The following SYT13 variants were observed in gnomAD, a reference collection of about 807,000 sequenced individuals.
SYT13 encodes the protein synaptotagmin 13.
Under a neutral mutation model 38.6 loss-of-function variants are expected in SYT13, and 21 were observed. The ratio of observed to expected loss-of-function variants is 0.54; its 90% CI spans 0.39 to 0.78. The LOEUF is 0.78. Among genes scored for constraint, SYT13 ranks in the 30% least tolerant of loss-of-function variants. The pLI is 0.00. For missense variants in SYT13, 495 were observed against 548.7 expected (o/e 0.90, Z 0.98); for synonymous variants, 241 against 237.6 (o/e 1.01, Z -0.13).
At chr11:45,274,113 C>T (rs1854982252) in intron 1 of SYT13, among the ~76,000 whole-genome samples, 4 of 152,062 alleles carry the variant, frequency 2.6e-5, no homozygotes. Context: ...CATTTGATTC[C>T]CATTTTAGCT....
At chr11:45,245,401 G>A (rs1854601931) in intron 5 of SYT13, among the ~76,000 whole-genome samples, 1 of 152,234 alleles carries the variant, frequency 6.6e-6, no homozygotes, top group Non-Finnish European at 1.5e-5. Context: ...TGTCCTGACA[G>A]GAGCTATAAA....
At chr11:45,254,193 G>A in intron 3 of SYT13, 77 bp downstream of exon 3, 1 of 1,472,578 alleles carries the variant, frequency 6.8e-7, no homozygotes, top group Non-Finnish European at 9.1e-7. Flanking sequence ...AGCTGCAGAT[G>A]ATCCCATCCT....
chr11:45,282,399 G>A (rs2135913159), intron 1 of SYT13, among the ~76,000 whole-genome samples: 1 of 152,338 alleles, frequency 6.6e-6, no homozygotes, highest in Middle Eastern at 3.4e-3. Flanking sequence ...CTGGAAGCAT[G>A]AGAGGTAATG....
chr11:45,278,831 T>G (rs1396805193), intron 1 of SYT13, among the ~76,000 whole-genome samples: 1 of 152,176 alleles, frequency 6.6e-6, no homozygotes, highest in East Asian at 1.9e-4. Flanking sequence ...CCAGCGGGTA[T>G]GTGCTCATCT....
At chr11:45,277,831 G>A (rs936535931) in intron 1 of SYT13, among the ~76,000 whole-genome samples, 14 of 152,186 alleles carry the variant, frequency 9.2e-5, no homozygotes, top group African/African-American at 3.4e-4. Context: ...AGAACCTTCT[G>A]TTCAGGTTAC....
intron 1 of SYT13, among the ~76,000 whole-genome samples, chr11:45,265,890 A>G (rs925693653): frequency 1.1e-4 from 16 of 152,220 alleles, no homozygotes; most frequent in African/African-American, 3.9e-4. Context: ...GGTGGAACTC[A>G]TCAGTGGTAA....
At chr11:45,248,186 A>G (rs1565375751) in intron 4 of SYT13, among the ~76,000 whole-genome samples, 1 of 152,314 alleles carries the variant, frequency 6.6e-6, no homozygotes, top group East Asian at 1.9e-4. Flanking sequence ...GGGAGCCTCA[A>G]AGGATCTTGG....
intron 1 of SYT13, among the ~76,000 whole-genome samples, chr11:45,261,989 G>A (rs903941016): frequency 2.0e-5 from 3 of 151,602 alleles, no homozygotes; most frequent in African/African-American, 4.9e-5. Flanking sequence ...CAAAATATTC[G>A]AAAGCAGGGT....
At chr11:45,265,106 G>A (rs191788912) in intron 1 of SYT13, among the ~76,000 whole-genome samples, 123 of 152,302 alleles carry the variant, frequency 8.1e-4, no homozygotes, top group Middle Eastern at 3.4e-3. Flanking sequence ...CCACCAACAG[G>A]ACAATGGAGA....
intron 4 of SYT13, among the ~76,000 whole-genome samples, chr11:45,250,770 G>T (rs1275106014): frequency 6.6e-6 from 1 of 152,282 alleles, no homozygotes; most frequent in South Asian, 2.1e-4. Flanking sequence ...ATAGCAAAAA[G>T]AGGAGCAGAC....
At chr11:45,250,102 C>G (rs983307151) in intron 4 of SYT13, among the ~76,000 whole-genome samples, 1 of 152,164 alleles carries the variant, frequency 6.6e-6, no homozygotes, top group Non-Finnish European at 1.5e-5. Flanking sequence ...CACCCTCTAG[C>G]TGGGGCGAGG....
chr11:45,268,042 GC>G (rs1854906248), intron 1 of SYT13, among the ~76,000 whole-genome samples: 1 of 151,980 alleles, frequency 6.6e-6, no homozygotes, highest in Non-Finnish European at 1.5e-5. Flanking sequence ...TTTGTGGTTG[GC>G]CCAGGGCACT....
At chr11:45,280,862 T>C (rs1224627327) in intron 1 of SYT13, among the ~76,000 whole-genome samples, 3 of 152,222 alleles carry the variant, frequency 2.0e-5, no homozygotes. Context: ...AAAAATTCTC[T>C]GATCTTAAGG....
intron 1 of SYT13, among the ~76,000 whole-genome samples, chr11:45,283,584 C>G (rs1241938738): frequency 1.3e-5 from 2 of 152,216 alleles, no homozygotes; most frequent in Non-Finnish European, 2.9e-5. Flanking sequence ...CAACAGCAAC[C>G]AAGTCATTGT....
rs1323526809 is a variant in SYT13, at chr11:45,252,426, C to T, written c.841G>A (p.Ala281Thr). The change falls in exon 4 of 6, where the codon GCG (alanine) becomes ACG (threonine). Residue 281 changes from alanine to threonine, a missense_variant. Ala to Thr is a moderately conservative substitution (Grantham distance 58). Coordinates refer to ENST00000020926, the MANE Select transcript of SYT13 (RefSeq NM_020826.3). This position sits in a 1 kb window ranked among gnomAD's most constrained non-coding sequence, Gnocchi z 4.3. ...TAACCCAGGGGTTACCCTACCTTCG[C>T]TGAAGTCTTCAGCTCGCCCCACTGG... ...AAQWGELKTS[A>T]KEPSAGAGEV... 29 of 1,580,566 alleles carry T rather than the reference C, an allele frequency of 1.8e-5. No homozygotes were observed. The highest frequency in any genetic ancestry group is 2.5e-5 in the Non-Finnish European group (29 of 1,160,318).
chr11:45,248,348 A>G (rs998622683), intron 4 of SYT13, among the ~76,000 whole-genome samples: 3 of 152,218 alleles, frequency 2.0e-5, no homozygotes, highest in Non-Finnish European at 4.4e-5. Flanking sequence ...CACAATAAAC[A>G]TTTGTGAAAA....
intron 1 of SYT13, among the ~76,000 whole-genome samples, chr11:45,268,293 G>T (rs1854908637): frequency 6.6e-6 from 1 of 151,818 alleles, no homozygotes; most frequent in African/African-American, 2.4e-5. Context: ...ATTTCCAGTG[G>T]GGTAGACAGC....
chr11:45,278,678 C>T (rs1202931078), intron 1 of SYT13, among the ~76,000 whole-genome samples: 1 of 152,102 alleles, frequency 6.6e-6, no homozygotes, highest in Non-Finnish European at 1.5e-5. Context: ...AGAGAAGAGC[C>T]ATGTATCTGA....
At chr11:45,263,234 A>G (rs1007109017) in intron 1 of SYT13, among the ~76,000 whole-genome samples, 8 of 152,256 alleles carry the variant, frequency 5.3e-5, no homozygotes, top group Admixed American at 5.2e-4. Context: ...CTAAGTGTTC[A>G]GAATATGGGA....
Sources: allele counts gnomAD v4.1 joint callset (sites outside exome capture counted in the v4.1 genomes callset), GRCh38; gene constraint gnomAD v4.1.1; non-coding constraint Gnocchi (gnomAD v3.1); transcripts MANE v1.5; gene names NCBI Gene and HGNC (gene_info 2026-07-23, HGNC 2026-07-21).